The following MGAT4A variants were observed in gnomAD, a reference collection of about 807,000 sequenced individuals.
MGAT4A encodes alpha-1,3-mannosyl-glycoprotein 4-beta-N-acetylglucosaminyltransferase A, also known as N-acetylglucosaminyltransferase IVa.
In MGAT4A, 33 loss-of-function variants were observed where a neutral mutation model predicts 74.1. The observed-to-expected ratio is 0.45, with a 90% CI of 0.34 to 0.60. MGAT4A has a LOEUF of 0.60. Among genes scored for constraint, MGAT4A ranks in the 20% least tolerant of loss-of-function variants. The probability of loss-of-function intolerance (pLI) is 0.02; values close to 1 mark genes in which losing one functional copy is unlikely to be tolerated. For synonymous variants in MGAT4A, 198 were observed against 210.4 expected, an observed-to-expected ratio of 0.94 and a Z score of 0.51; for missense variants, 479 against 628.3, an observed-to-expected ratio of 0.76 and a Z score of 2.54.
intron 8 of MGAT4A, among the ~76,000 whole-genome samples, chr2:98,651,408 G>A (rs2104252646): frequency 6.6e-6 from 1 of 152,252 alleles, no homozygotes; most frequent in African/African-American, 2.4e-5. Context: ...AATATAAAAA[G>A]CGGTCACTGG....
rs10191603 is a variant in MGAT4A at position 98,719,163 on chromosome 2, T to A, written c.94+7076A>T. Among the ~76,000 whole-genome samples, 830 of 150,972 alleles carry A rather than the reference T, an allele frequency of 5.5e-3. 10 individuals carry two copies. Among genetic ancestry groups the A allele is most frequent in the African/African-American group, 0.02 (808 of 40,728 alleles). ...AACCTGCAAAAGAGGTGGAAAGGAGTCCTCCTGGGGTCAGAAAAATATCGG... is the reference window on the plus strand; with the variant it reads ...AACCTGCAAAAGAGGTGGAAAGGAGACCTCCTGGGGTCAGAAAAATATCGG... On this transcript the variant is annotated intron_variant, in intron 2 of 15. Transcript: ENST00000393487.
chr2:98,650,947 C>CA lies in MGAT4A; in HGVS notation c.774+4497dup, dbSNP rs982741149. On this transcript the variant is annotated intron_variant, in intron 8 of 15. Coordinates refer to ENST00000393487, the MANE Select transcript of MGAT4A (RefSeq NM_012214.3). ...TGGGCGACAGAGCAAGACTCCATCT[C>CA]AAAAAAAAGGAAAAGAAAAAAAGAA... Among the ~76,000 whole-genome samples the CA allele has an allele frequency of 1.4e-3, 205 of 150,362 alleles. 1 individual carries two copies. The highest frequency in any genetic ancestry group is 4.3e-3 in the African/African-American group (178 of 40,930).
At chr2:98,637,571 T>C (rs1346813677) in intron 12 of MGAT4A, among the ~76,000 whole-genome samples, 1 of 152,170 alleles carries the variant, frequency 6.6e-6, no homozygotes. Flanking sequence ...AGTATGCGTA[T>C]GCGTTCTCAG....
chr2:98,645,615 A>G lies in MGAT4A; in HGVS notation c.775-73T>C, dbSNP rs949764830. Reference sequence around the variant, plus strand: ...ATTGAGAGAAGGATATTATTATGGAAAAATACAAGCATACCTTTATCATGA... The same window carrying G: ...ATTGAGAGAAGGATATTATTATGGAGAAATACAAGCATACCTTTATCATGA... On this transcript the variant is annotated intron_variant, in intron 8 of 15. Coordinates refer to ENST00000393487, the MANE Select transcript of MGAT4A (RefSeq NM_012214.3). 13 of 1,059,164 alleles carry G rather than the reference A, an allele frequency of 1.2e-5. No homozygotes were observed. The African/African-American group carries it at 2.2e-4, about 18-fold the overall frequency. The allele number at this position is 1,059,164 out of a possible 1,614,324, so 65.6% of individuals were successfully genotyped here.
chr2:98,645,290 TACCTAACTTAAGTTTTCTCTAAAACA>T, intron 9 of MGAT4A, 112 bp downstream of exon 9: 1 of 571,720 alleles, frequency 1.7e-6, no homozygotes, highest in Non-Finnish European at 3.0e-6. Flanking sequence ...CAAAGAGGTT[TACCTAACTTAAGTTTTCTCTAAAACA>T]ACCCATTTCC....
rs548065759 is a variant in MGAT4A, at chr2:98,620,137, T to G, written c.*5429A>C. 1 of 152,326 alleles carries G rather than the reference T, an allele frequency of 6.6e-6. No individual in the cohort carries two copies. The highest frequency in any genetic ancestry group is 3.4e-3 in the Middle Eastern group (1 of 294). 9.4% of individuals were successfully genotyped at this position (152,326 alleles called of 1,614,324 possible). A position where few individuals can be genotyped will look rare whatever the true frequency, so the allele number is the denominator to read the frequency against. On this transcript the variant is annotated 3_prime_UTR_variant, in exon 16 of 16. Transcript: ENST00000393487. ...AAGAAGAAGAGTTTATATATAGGTGTTGATACAGATATGTATAACAAAATC... is the reference window on the plus strand; with the variant it reads ...AAGAAGAAGAGTTTATATATAGGTGGTGATACAGATATGTATAACAAAATC...
rs900086672 is a variant in MGAT4A, at chr2:98,725,437, AAAC to A, written c.94+799_94+801del. On this transcript the variant is annotated intron_variant, in intron 2 of 15. Coordinates refer to ENST00000393487, the MANE Select transcript of MGAT4A (RefSeq NM_012214.3). The stretch of plus-strand genomic sequence containing the variant: ...TTTCAGTTGTCTTCATGAGTCAATA[AAAC>A]AACATCAGCAACAGCAGCTTCAAAT... Among the ~76,000 whole-genome samples, 60 of 152,296 alleles carry A rather than the reference AAAC, an allele frequency of 3.9e-4. 1 individual carries two copies. Among genetic ancestry groups the A allele is most frequent in the African/African-American group, 1.4e-3 (58 of 41,568 alleles).
chr2:98,662,978 T>C (rs1467477028), intron 5 of MGAT4A, 68 bp downstream of exon 5: 4 of 1,216,688 alleles, frequency 3.3e-6, no homozygotes, highest in Admixed American at 5.3e-5. Context: ...CATATTCAAA[T>C]ATTCAATTAG....
chr2:98,678,249 A>AAAAAAAAT (rs67023324), intron 3 of MGAT4A, 55 bp downstream of exon 3: 5 of 263,874 alleles, frequency 1.9e-5, no homozygotes, highest in Non-Finnish European at 2.7e-5. Context: ...AAAAAAAAAA[A>AAAAAAAAT]ATATATATAT....
intron 2 of MGAT4A, among the ~76,000 whole-genome samples, chr2:98,700,611 C>T (rs1702341781): frequency 6.6e-6 from 1 of 152,084 alleles, no homozygotes; most frequent in African/African-American, 2.4e-5. Context: ...TACATGTTGG[C>T]TGGGCGCGGT....
Position 98,678,472 on chromosome 2 carries a change from C to A in MGAT4A, c.95-1G>T. Reference sequence around the variant, plus strand: ...TCTCGTTGATAAGCAATCAGTTTTTCTAGAAGCAAAACCAAAACAGTTATA... The same window carrying A: ...TCTCGTTGATAAGCAATCAGTTTTTATAGAAGCAAAACCAAAACAGTTATA... On this transcript the variant is annotated splice_acceptor_variant, in intron 2 of 15. Transcript: ENST00000393487. LOFTEE classifies it high-confidence loss of function. 1 of 1,563,374 alleles carries A rather than the reference C, an allele frequency of 6.4e-7. No individual in the cohort carries two copies. The highest frequency in any genetic ancestry group is 8.7e-7 in the Non-Finnish European group (1 of 1,147,702).
chr2:98,669,834 T>G (rs1311454795), intron 4 of MGAT4A, among the ~76,000 whole-genome samples: 1 of 152,190 alleles, frequency 6.6e-6, no homozygotes, highest in Admixed American at 6.5e-5. Context: ...GTCATCAGCA[T>G]GTGTAATCTG....
intron 2 of MGAT4A, among the ~76,000 whole-genome samples, chr2:98,691,521 C>T (rs1009239962): frequency 2.6e-5 from 4 of 152,136 alleles, no homozygotes; most frequent in African/African-American, 9.7e-5. Context: ...TAACACAATG[C>T]ATGACTCACA....
chr2:98,700,357 T>G (rs1030159173), intron 2 of MGAT4A, among the ~76,000 whole-genome samples: 1 of 148,700 alleles, frequency 6.7e-6, no homozygotes, highest in Non-Finnish European at 1.5e-5. Context: ...AAATACCATA[T>G]GAGTATTTAC....
chr2:98,720,794 A>G (rs150199952), intron 2 of MGAT4A, among the ~76,000 whole-genome samples: 1 of 152,364 alleles, frequency 6.6e-6, no homozygotes, highest in Non-Finnish European at 1.5e-5. Flanking sequence ...ACACAGCCTC[A>G]GAGAAAGGTG....
intron 2 of MGAT4A, among the ~76,000 whole-genome samples, chr2:98,693,688 A>G: frequency 6.6e-6 from 1 of 151,862 alleles, no homozygotes. Context: ...TCAAAAAAAA[A>G]AAAAAAAAGA....
chr2:98,727,554 C>G (rs1037665580), intron 1 of MGAT4A, among the ~76,000 whole-genome samples: 2 of 152,184 alleles, frequency 1.3e-5, no homozygotes, highest in East Asian at 1.9e-4. Context: ...AAGATGTGAA[C>G]AGATTCCTGG....
intron 4 of MGAT4A, among the ~76,000 whole-genome samples, chr2:98,669,833 A>C (rs1226508552): frequency 6.6e-6 from 1 of 152,230 alleles, no homozygotes; most frequent in East Asian, 1.9e-4. Context: ...AGTCATCAGC[A>C]TGTGTAATCT....
chr2:98,650,756 G>T (rs1488998027), intron 8 of MGAT4A, among the ~76,000 whole-genome samples: 1 of 152,162 alleles, frequency 6.6e-6, no homozygotes, highest in Admixed American at 6.6e-5. Context: ...TTCGCGACCA[G>T]CCTGAACAAC....
Sources: allele counts gnomAD v4.1 joint callset (sites outside exome capture counted in the v4.1 genomes callset), GRCh38; gene constraint gnomAD v4.1.1; transcripts MANE v1.5; gene names NCBI Gene and HGNC (gene_info 2026-07-23, HGNC 2026-07-21).